FRYL: variants seen among roughly 807,000 people sequenced by gnomAD.
FRYL encodes the protein protein furry homolog-like.
In FRYL, 150 loss-of-function variants were observed where a neutral mutation model predicts 351.2. The observed-to-expected ratio is 0.43, with a 90% CI of 0.37 to 0.49. The LOEUF is 0.49. Among genes scored for constraint, FRYL ranks in the 20% least tolerant of loss-of-function variants. FRYL has a pLI of 0.00. For synonymous variants in FRYL, 1,153 were observed against 1,257.1 expected (o/e 0.92, Z 1.75); for missense variants, 3,036 against 3,619.3 (o/e 0.84, Z 4.13).
intron 1 of FRYL, among the ~76,000 whole-genome samples, chr4:48,726,755 T>G (rs931106960): frequency 2.6e-5 from 4 of 152,190 alleles, no homozygotes; most frequent in Non-Finnish European, 5.9e-5. Flanking sequence ...CTCTCTCTTC[T>G]GCTGTCTCAG....
chr4:48,767,831 G>A (rs142350904), intron 1 of FRYL, among the ~76,000 whole-genome samples: 4 of 152,312 alleles, frequency 2.6e-5, no homozygotes, highest in East Asian at 1.9e-4. Flanking sequence ...CCTAATCCTG[G>A]ATTGCAGCTA....
chr4:48,629,280 C>G (rs1489291709), intron 4 of FRYL, among the ~76,000 whole-genome samples: 1 of 152,082 alleles, frequency 6.6e-6, no homozygotes, highest in Admixed American at 6.6e-5. Context: ...AGGTTGAACA[C>G]TTGTATAGCC....
chr4:48,655,036 T>C (rs1758537117), intron 3 of FRYL, among the ~76,000 whole-genome samples: 1 of 152,170 alleles, frequency 6.6e-6, no homozygotes, highest in African/African-American at 2.4e-5. Context: ...GTGATCAAAG[T>C]CATAACTGAA....
At chr4:48,576,876 T>C (rs747315049) in intron 23 of FRYL, among the ~76,000 whole-genome samples, 80 of 152,324 alleles carry the variant, frequency 5.3e-4, no homozygotes, top group South Asian at 1.7e-3. Flanking sequence ...CTTTAATTCA[T>C]ATACATGAAC....
At chr4:48,528,768 G>A (rs929180583) in intron 50 of FRYL, among the ~76,000 whole-genome samples, 2 of 152,094 alleles carry the variant, frequency 1.3e-5, no homozygotes, top group Non-Finnish European at 2.9e-5. Flanking sequence ...TGTCAAGTAT[G>A]CTTCAGCAAT....
At chr4:48,639,936 T>C (rs891884625) in intron 3 of FRYL, among the ~76,000 whole-genome samples, 3 of 152,012 alleles carry the variant, frequency 2.0e-5, no homozygotes, top group Admixed American at 6.6e-5. Flanking sequence ...CTTCAGGGAA[T>C]TGAAAATTAA....
At chr4:48,535,862 A>G in intron 47 of FRYL, 35 bp from the exon 48 acceptor site, 1 of 1,407,452 alleles carries the variant, frequency 7.1e-7, no homozygotes, top group Non-Finnish European at 9.4e-7. Context: ...ATTCACCTAA[A>G]ATAAAGACAC....
intron 42 of FRYL, 22 bp downstream of exon 42, chr4:48,546,045 T>C: frequency 1.3e-6 from 2 of 1,599,878 alleles, no homozygotes; most frequent in Non-Finnish European, 1.7e-6. Context: ...ACTGCTGGGA[T>C]GATAAGAGCT....
At chr4:48,671,608 G>A (rs1762680307) in intron 3 of FRYL, among the ~76,000 whole-genome samples, 1 of 151,728 alleles carries the variant, frequency 6.6e-6, no homozygotes, top group Admixed American at 6.6e-5. Context: ...CAGAGGTTGT[G>A]GTGAGCCGAG....
intron 18 of FRYL, among the ~76,000 whole-genome samples, chr4:48,587,843 C>T (rs550721205): frequency 6.6e-6 from 1 of 152,256 alleles, no homozygotes; most frequent in African/African-American, 2.4e-5. Context: ...CCGCGCCTGG[C>T]CTTGGGTATT....
chr4:48,606,565 T>C lies in FRYL; in HGVS notation c.614A>G (p.Glu205Gly), dbSNP rs773190737. ...TGGGCTTTGTTCCTTTTGTCGCAGTTCTTTTAATTCTGTCACAAACTTCTT... is the reference window on the plus strand; with the variant it reads ...TGGGCTTTGTTCCTTTTGTCGCAGTCCTTTTAATTCTGTCACAAACTTCTT... ...VRKKFVTELK[E>G]LRQKEQSPHV... Residue 205 changes from glutamate to glycine, a missense_variant, in exon 10 of 64, where the codon GAA becomes GGA. Glu to Gly is a moderately conservative substitution (Grantham distance 98). Transcript: ENST00000358350. 1.2e-5 allele frequency: 20 copies of C among 1,612,800 alleles called. No individual in the cohort carries two copies. The South Asian group carries it at 2.1e-4, about 17-fold the overall frequency.
chr4:48,614,022 T>TTAC lies in FRYL; in HGVS notation c.412-4202_412-4200dup, dbSNP rs758981412. ...GCAAGAAAACTTTGGTCTTATCATA[T>TTAC]TACTGCCAGGAAAGAAAGAGAAACA... On this transcript the variant is annotated intron_variant, in intron 7 of 63. Coordinates refer to ENST00000358350, the MANE Select transcript of FRYL (RefSeq NM_015030.2). Among the ~76,000 whole-genome samples the TTAC allele has an allele frequency of 2.7e-4, 40 of 150,856 alleles. 1 individual carries two copies. The highest frequency in any genetic ancestry group is 1.9e-3 in the South Asian group (9 of 4,788).
chr4:48,625,262 GA>G (rs1751544469), intron 4 of FRYL, among the ~76,000 whole-genome samples: 1 of 152,042 alleles, frequency 6.6e-6, no homozygotes, highest in African/African-American at 2.4e-5. Context: ...TTTGACCCAA[GA>G]AAATAATATG....
rs1391584023 is a variant in FRYL at position 48,666,404 on chromosome 4, TAAA to T, written c.-81+18266_-81+18268del. The stretch of plus-strand genomic sequence containing the variant: ...AAAAGTAAATAAATAAATAAATAAA[TAAA>T]TAAATAAGAATTAGAGAACCAATAG... On this transcript the variant is annotated intron_variant, in intron 3 of 63. Transcript: ENST00000358350. Among the ~76,000 whole-genome samples the T allele has an allele frequency of 2.4e-3, 256 of 108,932 alleles. 1 individual carries two copies. The highest frequency in any genetic ancestry group is 7.0e-3 in the African/African-American group (247 of 35,366). The allele number at this position is 108,932 out of a possible 152,430, so 71.5% of individuals were successfully genotyped here. A position where few individuals can be genotyped will look rare whatever the true frequency, so the allele number is the denominator to read the frequency against.
intron 4 of FRYL, among the ~76,000 whole-genome samples, chr4:48,629,264 G>C (rs1752500694): frequency 6.6e-6 from 1 of 152,102 alleles, no homozygotes; most frequent in South Asian, 2.1e-4. Context: ...TGTAATTGGA[G>C]ATGGCAGGTT....
chr4:48,660,022 T>C (rs116806488), intron 3 of FRYL, among the ~76,000 whole-genome samples: 2,715 of 150,552 alleles, frequency 0.018, 79 homozygotes, highest in African/African-American at 0.062. Flanking sequence ...CTTGGAGAAA[T>C]TCTAGGACAC....
intron 1 of FRYL, among the ~76,000 whole-genome samples, chr4:48,767,284 AAG>A (rs1413267546): frequency 6.6e-6 from 1 of 152,068 alleles, no homozygotes; most frequent in African/African-American, 2.4e-5. Context: ...CACACTTTCA[AAG>A]GACAACAGCC....
chr4:48,711,528 GC>G (rs1299281713), intron 1 of FRYL, among the ~76,000 whole-genome samples: 1 of 152,248 alleles, frequency 6.6e-6, no homozygotes, highest in Non-Finnish European at 1.5e-5. Context: ...GCCCACCATT[GC>G]CCAGGCTTGC....
In FRYL at chr4:48,602,092, T is replaced by G; in HGVS notation, c.963A>C (p.Leu321Phe). 6.3e-7 allele frequency: 1 copy of G among 1,598,748 alleles called. No homozygotes were observed. The highest frequency in any genetic ancestry group is 8.6e-7 in the Non-Finnish European group (1 of 1,166,820). Residue 321 changes from leucine to phenylalanine, a missense_variant, in exon 13 of 64, where the codon TTA becomes TTC. By Grantham distance (22) the Leu-to-Phe change is conservative. Around this residue, in one of 7 missense-constraint regions of FRYL, gnomAD observed 457 missense variants for 566.6 expected, o/e 0.81. Transcript: ENST00000358350. ...AAAAAAATTGTTTCTGACTGACACA[T>G]AAAAGGCAGGTAATTAGTGGATATA... ...LALYPLITCL[L>F]CVSQKQFFLN...
Sources: allele counts gnomAD v4.1 joint callset (sites outside exome capture counted in the v4.1 genomes callset), GRCh38; gene constraint gnomAD v4.1.1; regional missense constraint gnomAD v4.1.1; transcripts MANE v1.5; gene names NCBI Gene and HGNC (gene_info 2026-07-23, HGNC 2026-07-21).